The following STK31 variants were observed in gnomAD, a reference collection of about 807,000 sequenced individuals.
STK31 encodes serine/threonine-protein kinase 31.
A neutral mutation model predicts 129.7 loss-of-function variants in STK31; 89 were observed. The ratio of observed to expected loss-of-function variants is 0.69; its 90% CI spans 0.58 to 0.82. The LOEUF is 0.82. Ranked by LOEUF, STK31 falls within the 40% of genes least tolerant of loss-of-function variation. The pLI, the probability that STK31 is intolerant of heterozygous loss-of-function variation, is 0.00. For missense variants in STK31, 1,187 were observed against 1,176.4 expected (o/e 1.01, Z -0.13); for synonymous variants, 448 against 395.3 (o/e 1.13, Z -1.58).
At chr7:23,724,533 C>T (rs530329596) in intron 4 of STK31, among the ~76,000 whole-genome samples, 2 of 152,190 alleles carry the variant, frequency 1.3e-5, no homozygotes, top group Non-Finnish European at 2.9e-5. Flanking sequence ...CCAGCCCTGC[C>T]TCACCTGGTT....
chr7:23,712,492 C>T (rs1218609125), intron 3 of STK31, among the ~76,000 whole-genome samples: 1 of 152,046 alleles, frequency 6.6e-6, no homozygotes, highest in East Asian at 1.9e-4. Flanking sequence ...GTGTTATGCC[C>T]ATAATACACC....
At position 23,785,527 on chromosome 7, in the gene STK31, C is replaced by T; in HGVS notation, c.2198C>T (p.Ala733Val). The T allele has an allele frequency of 6.2e-7, 1 of 1,613,954 alleles. No individual in the cohort carries two copies. Among genetic ancestry groups the T allele is most frequent in the Non-Finnish European group, 8.5e-7 (1 of 1,179,896 alleles). ...AGCTTGGAACGAGATCTTCTTGATG[C>T]TGAGCCCATGAAGGAACTTAGCAGC... The part of the protein sequence containing the change: ...TMSLERDLLD[A>V]EPMKELSSKR... Residue 733 changes from alanine to valine, a missense_variant, in exon 18 of 24, where the codon GCT becomes GTT. Ala to Val is a moderately conservative substitution (Grantham distance 64). This residue lies in a region of STK31 where 975 missense variants were observed against 934.9 expected (regional missense o/e 1.04). Transcript: ENST00000355870.
chr7:23,712,332 A>G lies in STK31; in HGVS notation c.150+46A>G, dbSNP rs753440942. On this transcript the variant is annotated intron_variant, in intron 3 of 23. Transcript: ENST00000355870. The stretch of plus-strand genomic sequence containing the variant: ...TATCCCCCCTCACCTCCCCCAATCC[A>G]GTTCCTCCCCAACAAAAACAAAAAT... The G allele has an allele frequency of 2.5e-6, 4 of 1,580,148 alleles. No homozygotes were observed. The South Asian group carries it at 3.4e-5, about 13-fold the overall frequency.
intron 22 of STK31, among the ~76,000 whole-genome samples, chr7:23,802,594 A>G (rs745349859): frequency 2.6e-5 from 4 of 152,020 alleles, no homozygotes; most frequent in Non-Finnish European, 5.9e-5. Context: ...GCTCACTGCA[A>G]CCTCTGCCTC....
chr7:23,723,733 A>T (rs115851666), intron 4 of STK31, among the ~76,000 whole-genome samples: 2 of 152,154 alleles, frequency 1.3e-5, no homozygotes, highest in Non-Finnish European at 2.9e-5. Context: ...GAGTGAATAT[A>T]TAGTTTTCAC....
Position 23,712,311 on chromosome 7 carries a change from C to G in STK31, c.150+25C>G, listed in dbSNP as rs759545794. 1.9e-6 allele frequency: 3 copies of G among 1,609,188 alleles called. No individual in the cohort carries two copies. In the Admixed American group the frequency reaches 5.0e-5, roughly 27 times the overall value. On this transcript the variant is annotated intron_variant, in intron 3 of 23. Transcript: ENST00000355870. ...GGTAAATAGCAAACTGGTTGATATC[C>G]CCCCTCACCTCCCCCAATCCAGTTC...
chr7:23,764,818 T>G (rs1249999501), intron 11 of STK31, among the ~76,000 whole-genome samples: 1 of 152,144 alleles, frequency 6.6e-6, no homozygotes, highest in African/African-American at 2.4e-5. Context: ...TTTAAAAATG[T>G]GTATCCCCCC....
intron 16 of STK31, among the ~76,000 whole-genome samples, chr7:23,782,527 A>G (rs1033384651): frequency 6.6e-6 from 1 of 151,818 alleles, no homozygotes; most frequent in Non-Finnish European, 1.5e-5. Flanking sequence ...TAATACTGTG[A>G]AAACAATAGG....
intron 4 of STK31, among the ~76,000 whole-genome samples, chr7:23,723,497 T>G (rs1184938947): frequency 6.6e-6 from 1 of 152,190 alleles, no homozygotes; most frequent in Non-Finnish European, 1.5e-5. Context: ...TAAGACATAC[T>G]CCTTTTCTTC....
intron 22 of STK31, among the ~76,000 whole-genome samples, chr7:23,809,548 C>T (rs1792954662): frequency 6.6e-6 from 1 of 152,126 alleles, no homozygotes; most frequent in Non-Finnish European, 1.5e-5. Context: ...CGCAAAGTCC[C>T]ACTGTGAGTA....
At position 23,832,261 on chromosome 7, in the gene STK31, A is replaced by C; in HGVS notation, c.2955A>C (p.Lys985Asn). 1 of 1,614,006 alleles carries C rather than the reference A, an allele frequency of 6.2e-7. No individual in the cohort carries two copies. The highest frequency in any genetic ancestry group is 8.5e-7 in the Non-Finnish European group (1 of 1,179,872). ...AGCAATCAGTTCCAAACCCAGAAAA[A>C]GATACTGAATACACCCTATATAAAA... ...PKEQSVPNPE[K>N]DTEYTLYKKE... Residue 985 changes from lysine to asparagine, a missense_variant, in exon 24 of 24, where the codon AAA becomes AAC. This residue lies in a region of STK31 where 975 missense variants were observed against 934.9 expected (regional missense o/e 1.04). Transcript: ENST00000355870.
chr7:23,814,857 T>C (rs1793373161), intron 22 of STK31, among the ~76,000 whole-genome samples: 1 of 152,188 alleles, frequency 6.6e-6, no homozygotes, highest in South Asian at 2.1e-4. Flanking sequence ...TTGGTGAGGC[T>C]AACATAATAT....
intron 22 of STK31, among the ~76,000 whole-genome samples, chr7:23,804,975 A>G (rs958075222): frequency 6.6e-6 from 1 of 151,886 alleles, no homozygotes; most frequent in African/African-American, 2.4e-5. Context: ...TTATATTCCC[A>G]TTTACTCCTG....
intron 14 of STK31, chr7:23,771,729 TTTTA>T (rs1790208363): frequency 1.3e-5 from 2 of 153,806 alleles, no homozygotes; most frequent in African/African-American, 4.8e-5. Flanking sequence ...AATTTTTTGT[TTTTA>T]TTTCTCAGAT....
chr7:23,745,599 C>T (rs371920649), intron 8 of STK31, among the ~76,000 whole-genome samples: 5 of 152,338 alleles, frequency 3.3e-5, no homozygotes, highest in African/African-American at 1.2e-4. Flanking sequence ...AGCGGGGTCA[C>T]TGTAAATGGC....
At chr7:23,746,127 G>T (rs1788337055) in intron 8 of STK31, among the ~76,000 whole-genome samples, 1 of 152,192 alleles carries the variant, frequency 6.6e-6, no homozygotes, top group Admixed American at 6.5e-5. Context: ...TTGGGGCTGG[G>T]CACACAAAAT....
intron 10 of STK31, chr7:23,755,061 TGAGGAATCGCCATA>T (rs1788979212): frequency 6.6e-6 from 1 of 152,226 alleles, no homozygotes; most frequent in South Asian, 2.1e-4. Context: ...TCTAGATCCT[TGAGGAATCGCCATA>T]TCGTCTTCCA....
At chr7:23,799,146 A>G (rs1419714253) in intron 22 of STK31, among the ~76,000 whole-genome samples, 1 of 152,218 alleles carries the variant, frequency 6.6e-6, no homozygotes, top group African/African-American at 2.4e-5. Flanking sequence ...GAGAATCAGT[A>G]TCATGAAAAG....
intron 21 of STK31, among the ~76,000 whole-genome samples, chr7:23,788,519 A>G (rs1465485213): frequency 6.6e-6 from 1 of 152,100 alleles, no homozygotes; most frequent in Admixed American, 6.6e-5. Flanking sequence ...TTTGATTAAT[A>G]ATGTGCATTT....
Sources: gnomAD v4.1 joint callset for allele counts (sites outside exome capture counted in the v4.1 genomes callset) on GRCh38, gnomAD v4.1.1 for gene constraint, gnomAD v4.1.1 regional missense constraint, MANE v1.5 for transcripts, NCBI Gene and HGNC (gene_info 2026-07-23, HGNC 2026-07-21) for gene names.